The following SIAH1 variants were observed in gnomAD, a reference collection of about 807,000 sequenced individuals.
SIAH1 encodes E3 ubiquitin-protein ligase SIAH1.
A neutral mutation model predicts 20.0 loss-of-function variants in SIAH1; 2 were observed. That is an observed-to-expected ratio of 0.10 (90% CI 0.04 to 0.31). SIAH1 has a LOEUF of 0.31. Ranked by LOEUF, SIAH1 falls within the 10% of genes least tolerant of loss-of-function variation. SIAH1 has a pLI of 1.00. For synonymous variants in SIAH1, 118 were observed against 125.3 expected (o/e 0.94, Z 0.39); for missense variants, 119 against 355.3 (o/e 0.33, Z 5.35).
chr16:48,369,895 A>C (rs974015106), intron 1 of SIAH1, among the ~76,000 whole-genome samples: 7 of 152,350 alleles, frequency 4.6e-5, no homozygotes, highest in East Asian at 1.9e-4. Context: ...TTGTGGTGTG[A>C]TCACAATACT....
rs1164997829 is a variant in SIAH1, at chr16:48,380,360, GAAC to G, written c.-3+4841_-3+4843del. Among the ~76,000 whole-genome samples the G allele has an allele frequency of 3.9e-5, 6 of 152,082 alleles. No individual in the cohort carries two copies. The South Asian group carries it at 1.2e-3, about 32-fold the overall frequency. On this transcript the variant is annotated intron_variant, in intron 1 of 1. Coordinates refer to ENST00000394725, the MANE Select transcript of SIAH1 (RefSeq NM_003031.4). ...GAGCTACTCAGCAGGCTGAGCACGA[GAAC>G]AACTGCTTGAGCCTGGGAGGCGGAG...
At chr16:48,365,857 G>A in intron 1 of SIAH1, 1 of 1,250,738 alleles carries the variant, frequency 8.0e-7, no homozygotes, top group Non-Finnish European at 1.0e-6. Flanking sequence ...AGAAGGAAGT[G>A]CGCTCCCTGA....
At position 48,361,763 on chromosome 16, in the gene SIAH1, A is replaced by G. The variant is rs776366446; in HGVS notation, c.666T>C (p.Ala222=). 1.2e-5 allele frequency: 20 copies of G among 1,614,156 alleles called. No individual in the cohort carries two copies. ...IGTRKQAENF[A]YRLELNGHRR... is the part of the protein sequence containing the mutation. ...TATGACCATTTAGCTCAAGTCGGTAAGCAAAATTTTCAGCTTGCTTGCGTG... is the reference window on the plus strand; with the variant it reads ...TATGACCATTTAGCTCAAGTCGGTAGGCAAAATTTTCAGCTTGCTTGCGTG... The change falls in exon 2 of 2, where the codon GCT becomes GCC. Residue 222 remains alanine (A), a synonymous_variant. Coordinates refer to ENST00000394725, the MANE Select transcript of SIAH1 (RefSeq NM_003031.4).
chr16:48,367,890 TAC>T (rs1225757803), intron 1 of SIAH1, among the ~76,000 whole-genome samples: 1 of 152,234 alleles, frequency 6.6e-6, no homozygotes, highest in Non-Finnish European at 1.5e-5. Flanking sequence ...CACTATTACC[TAC>T]ACTTTCTAAA....
intron 1 of SIAH1, among the ~76,000 whole-genome samples, chr16:48,381,005 G>A (rs1961272851): frequency 6.6e-6 from 1 of 151,384 alleles, no homozygotes; most frequent in Non-Finnish European, 1.5e-5. Flanking sequence ...CAGAGCAACA[G>A]GAACGCTCAT....
At chr16:48,375,358 G>A (rs1449702798) in intron 1 of SIAH1, among the ~76,000 whole-genome samples, 7 of 152,298 alleles carry the variant, frequency 4.6e-5, no homozygotes, top group Non-Finnish European at 5.9e-5. Flanking sequence ...GGGGAGAGAG[G>A]CGAGGAGCAG....
At chr16:48,368,988 T>TA (rs1302561610) in intron 1 of SIAH1, among the ~76,000 whole-genome samples, 2 of 152,164 alleles carry the variant, frequency 1.3e-5, no homozygotes, top group Non-Finnish European at 2.9e-5. Context: ...TGGCAGGTAT[T>TA]ATGTAGAAAA....
At chr16:48,369,214 G>A (rs1960922689) in intron 1 of SIAH1, among the ~76,000 whole-genome samples, 2 of 152,076 alleles carry the variant, frequency 1.3e-5, no homozygotes, top group Non-Finnish European at 2.9e-5. Context: ...AAAATTGTAT[G>A]TTTTTCCTAA....
intron 1 of SIAH1, chr16:48,365,208 T>C (rs954752839): frequency 2.4e-5 from 15 of 636,496 alleles, no homozygotes; most frequent in Non-Finnish European, 3.5e-5. Context: ...GCAGAAGTCA[T>C]GACGTAACCT....
chr16:48,366,346 T>A (rs1028287510), intron 1 of SIAH1, among the ~76,000 whole-genome samples: 1 of 152,194 alleles, frequency 6.6e-6, no homozygotes, highest in Non-Finnish European at 1.5e-5. Context: ...ATTCAACGGC[T>A]ATTTACCGGG....
rs557355591 is a variant in SIAH1 at position 48,362,414 on chromosome 16, A to G, written c.15T>C (p.Thr5=). The G allele has an allele frequency of 6.2e-6, 10 of 1,614,142 alleles. No individual in the cohort carries two copies. The South Asian group carries it at 1.1e-4, about 18-fold the overall frequency. The change falls in exon 2 of 2, where the codon ACT becomes ACC. Residue 5 remains threonine (T), a synonymous_variant. Transcript: ENST00000394725. This position sits in a 1 kb window ranked among gnomAD's most constrained non-coding sequence, Gnocchi z 4.2. ...AGGTACCGGTAGGTAATGCTGTAGC[A>G]GTCTGACGGCTCATTTCTGAAATAA... MSRQ[T]ATALPTGTSK...
chr16:48,381,968 G>A (rs759538755), intron 1 of SIAH1, among the ~76,000 whole-genome samples: 13 of 152,124 alleles, frequency 8.5e-5, no homozygotes, highest in Non-Finnish European at 1.6e-4. Context: ...GGGGCTACAC[G>A]CGAAATCTCT....
chr16:48,372,074 A>ATACTAAAC (rs1272980384), intron 1 of SIAH1, among the ~76,000 whole-genome samples: 1 of 152,188 alleles, frequency 6.6e-6, no homozygotes, highest in East Asian at 1.9e-4. Context: ...TATATTTGGG[A>ATACTAAAC]TACTAAACTA....
intron 1 of SIAH1, among the ~76,000 whole-genome samples, chr16:48,378,975 GTTTC>G (rs1273064217): frequency 6.6e-6 from 1 of 152,178 alleles, no homozygotes; most frequent in Non-Finnish European, 1.5e-5. Flanking sequence ...TTGTAATTCT[GTTTC>G]TTTCTTTCCT....
upstream of SIAH1, among the ~76,000 whole-genome samples, chr16:48,385,969 G>C (rs1187472910): frequency 6.6e-6 from 1 of 152,184 alleles, no homozygotes; most frequent in African/African-American, 2.4e-5. Context: ...AGGTTGAGCC[G>C]CTCCTCAGCA....
intron 1 of SIAH1, among the ~76,000 whole-genome samples, chr16:48,384,469 C>G (rs1223938368): frequency 6.6e-6 from 1 of 152,182 alleles, no homozygotes; most frequent in Admixed American, 6.5e-5. Context: ...AACTACCCGG[C>G]AAATGAACCC....
intron 1 of SIAH1, among the ~76,000 whole-genome samples, chr16:48,367,278 C>G (rs1244347693): frequency 1.3e-5 from 2 of 152,150 alleles, no homozygotes; most frequent in Non-Finnish European, 2.9e-5. Context: ...CCAAACAGAA[C>G]CAAAATGTAT....
At chr16:48,380,159 T>C (rs1961234819) in intron 1 of SIAH1, among the ~76,000 whole-genome samples, 1 of 152,216 alleles carries the variant, frequency 6.6e-6, no homozygotes, top group Non-Finnish European at 1.5e-5. Flanking sequence ...TATGCAAACC[T>C]GGCCGAACAC....
At chr16:48,367,403 C>T (rs912412268) in intron 1 of SIAH1, among the ~76,000 whole-genome samples, 4 of 152,184 alleles carry the variant, frequency 2.6e-5, no homozygotes, top group African/African-American at 9.7e-5. Flanking sequence ...GATCTATGGA[C>T]AGGCCCCTCT....
Sources: allele counts gnomAD v4.1 joint callset (sites outside exome capture counted in the v4.1 genomes callset), GRCh38; gene constraint gnomAD v4.1.1; non-coding constraint Gnocchi (gnomAD v3.1); transcripts MANE v1.5; gene names NCBI Gene and HGNC (gene_info 2026-07-23, HGNC 2026-07-21).